The following ZNF469 variants were observed in gnomAD, a reference collection of about 807,000 sequenced individuals.
The protein encoded by ZNF469 is zinc finger protein 469.
A neutral mutation model predicts 1.0 loss-of-function variants in ZNF469; 1 was observed. That is an observed-to-expected ratio of 1.00 (90% confidence interval 0.35 to 4.73). The LOEUF (loss-of-function observed/expected upper bound fraction) is 4.73. Among genes scored for constraint, ZNF469 ranks in the 30% most tolerant of loss-of-function variants. ZNF469 has a pLI of 0.16. For missense variants in ZNF469, 6,100 were observed against 5,356.3 expected (o/e 1.14, Z -4.33); for synonymous variants, 2,703 against 2,363.4 (o/e 1.14, Z -4.17).
At chr16:88,142,204 AG>A in the ZNF469 span, among the ~76,000 whole-genome samples, 1 of 152,236 alleles carries the variant, frequency 6.6e-6, no homozygotes, top group Admixed American at 6.5e-5. Context: ...AGAATAAATC[AG>A]CTGTCCTTCC....
At chr16:88,114,550 C>A in the ZNF469 span, among the ~76,000 whole-genome samples, 1 of 152,200 alleles carries the variant, frequency 6.6e-6, no homozygotes, top group African/African-American at 2.4e-5. Flanking sequence ...AGGGAACGCG[C>A]GGTGCCCAGC....
At chr16:88,203,396 C>T in the ZNF469 span, among the ~76,000 whole-genome samples, 12 of 152,128 alleles carry the variant, frequency 7.9e-5, no homozygotes, top group African/African-American at 1.4e-4. Flanking sequence ...CACCTGAGGG[C>T]GGCGCCTGCC....
At chr16:88,219,219 A>T in the ZNF469 span, among the ~76,000 whole-genome samples, 3 of 150,184 alleles carry the variant, frequency 2.0e-5, no homozygotes, top group Non-Finnish European at 2.9e-5. Context: ...ATTCAATGCC[A>T]TCCCCATCAA....
At chr16:88,133,604 T>C in the ZNF469 span, among the ~76,000 whole-genome samples, 1 of 151,312 alleles carries the variant, frequency 6.6e-6, no homozygotes, top group South Asian at 2.1e-4. Context: ...ATCAAATCAT[T>C]CAATAATTTT....
chr16:88,277,442 C>T, the ZNF469 span, among the ~76,000 whole-genome samples: 1 of 149,754 alleles, frequency 6.7e-6, no homozygotes, highest in Admixed American at 6.6e-5. Flanking sequence ...CTGCACCACA[C>T]TGACGCTTGG....
At chr16:88,139,190 C>T in the ZNF469 span, among the ~76,000 whole-genome samples, 1 of 152,264 alleles carries the variant, frequency 6.6e-6, no homozygotes, top group Non-Finnish European at 1.5e-5. Context: ...ATGCTGGAAG[C>T]TGGGATGAGC....
At chr16:88,413,562 T>C (rs1178913891) in intron 1 of ZNF469, among the ~76,000 whole-genome samples, 1 of 152,254 alleles carries the variant, frequency 6.6e-6, no homozygotes, top group East Asian at 1.9e-4. Context: ...AACCCAGGCC[T>C]CTGGAGAAGT....
rs140972901 is a variant in ZNF469, at chr16:88,418,317, G to A, written c.-191-6490G>A. 3.9e-3 allele frequency among the ~76,000 whole-genome samples: 593 copies of A among 152,328 alleles called. 4 individuals are homozygous for A. The highest frequency in any genetic ancestry group is 5.0e-3 in the Non-Finnish European group (341 of 68,026). On this transcript the variant is annotated intron_variant, in intron 1 of 2. Transcript: ENST00000565624. ...GGAGCTAAAGCTGAAGGCCCATCTC[G>A]GTGAGGCCGTGGAGGGTTGTCTAGG...
rs899318977 is a variant in ZNF469 at position 88,423,691 on chromosome 16, C to T, written c.-191-1116C>T. On this transcript the variant is annotated intron_variant, in intron 1 of 2. Transcript: ENST00000565624. Reference sequence around the variant, plus strand: ...AAGGCCCAACGGAGTCTGGGGAAGCCACTTCCAAGATGGCTCCCTCACACA... The same window carrying T: ...AAGGCCCAACGGAGTCTGGGGAAGCTACTTCCAAGATGGCTCCCTCACACA... 3.3e-5 allele frequency among the ~76,000 whole-genome samples: 5 copies of T among 152,220 alleles called. No homozygotes were observed. In the East Asian group the frequency reaches 5.8e-4, roughly 18 times the overall value.
the ZNF469 span, among the ~76,000 whole-genome samples, chr16:88,146,197 C>G: frequency 0.56 from 84,812 of 152,204 alleles, 28,119 homozygotes; most frequent in Non-Finnish European, 0.76. Context: ...CACGACCCAC[C>G]CGGGCCCAGG....
the ZNF469 span, among the ~76,000 whole-genome samples, chr16:88,118,325 G>T: frequency 6.6e-6 from 1 of 152,234 alleles, no homozygotes; most frequent in Non-Finnish European, 1.5e-5. Context: ...TCTTCGCAGT[G>T]TTCTGGTGGA....
chr16:88,109,993 G>C, the ZNF469 span, among the ~76,000 whole-genome samples: 2 of 152,368 alleles, frequency 1.3e-5, no homozygotes, highest in African/African-American at 4.8e-5. Context: ...TGGGAGATTC[G>C]AGAAAACTCT....
At chr16:88,338,756 G>A in the ZNF469 span, among the ~76,000 whole-genome samples, 3 of 152,224 alleles carry the variant, frequency 2.0e-5, no homozygotes, top group South Asian at 4.2e-4. Flanking sequence ...GAAGGGCAGG[G>A]CCACAGCAGA....
chr16:88,395,542 GCCAC>G (rs1004926661), intron 1 of ZNF469, among the ~76,000 whole-genome samples: 5 of 152,066 alleles, frequency 3.3e-5, no homozygotes, highest in Non-Finnish European at 7.4e-5. Flanking sequence ...GTTTGGGTGT[GCCAC>G]TCTTGAGTAT....
chr16:88,419,331 CTGGTCCGAGG>C (rs1445649222), intron 1 of ZNF469, among the ~76,000 whole-genome samples: 1 of 152,208 alleles, frequency 6.6e-6, no homozygotes, highest in Non-Finnish European at 1.5e-5. Context: ...CTGGACCGAG[CTGGTCCGAGG>C]ACGGGCCGGT....
the ZNF469 span, among the ~76,000 whole-genome samples, chr16:88,346,664 C>T: frequency 1.2e-3 from 176 of 152,130 alleles, no homozygotes; most frequent in African/African-American, 3.8e-3. Flanking sequence ...ACTACAGGTG[C>T]GCACCACCAC....
the ZNF469 span, among the ~76,000 whole-genome samples, chr16:88,199,039 G>C: frequency 1.3e-5 from 2 of 152,212 alleles, no homozygotes; most frequent in Non-Finnish European, 2.9e-5. Flanking sequence ...TTGTGACCCA[G>C]TGCTCCAGTC....
At chr16:88,228,404 C>T in the ZNF469 span, among the ~76,000 whole-genome samples, 3 of 152,260 alleles carry the variant, frequency 2.0e-5, no homozygotes, top group Non-Finnish European at 4.4e-5. Context: ...TACAATGGCA[C>T]CTGCCCCGCA....
the ZNF469 span, among the ~76,000 whole-genome samples, chr16:88,116,575 A>G: frequency 2.4e-4 from 36 of 152,240 alleles, no homozygotes; most frequent in African/African-American, 8.4e-4. Flanking sequence ...TAACAGGCAG[A>G]ACGTGGAGAC....
Sources: gnomAD v4.1 joint callset for allele counts (sites outside exome capture counted in the v4.1 genomes callset) on GRCh38, gnomAD v4.1.1 for gene constraint, MANE v1.5 for transcripts, NCBI Gene and HGNC (gene_info 2026-07-23, HGNC 2026-07-21) for gene names.